Variants in CPNE7 observed in about 807,000 individuals in gnomAD.
CPNE7 encodes the protein copine 7.
CPNE7 carries 78 observed loss-of-function variants against 66.5 expected under a neutral mutation model. The observed-to-expected ratio is 1.17, with a 90% CI of 0.98 to 1.42. The LOEUF (loss-of-function observed/expected upper bound fraction) is 1.42. CPNE7 is among the 40% of genes most tolerant of loss of function. The pLI is 0.00. For synonymous variants in CPNE7, 468 were observed against 336.7 expected (o/e 1.39, Z -4.27); for missense variants, 1,012 against 776.6 (o/e 1.30, Z -3.60).
chr16:89,576,026 C>T lies in CPNE7; in HGVS notation c.129C>T (p.Asp43=). 6 of 1,346,476 alleles carry T rather than the reference C, an allele frequency of 4.5e-6. No individual in the cohort carries two copies. Among genetic ancestry groups the T allele is most frequent in the African/African-American group, 1.5e-5 (1 of 65,782 alleles). The allele number at this position is 1,346,476 out of a possible 1,614,324, so 83.4% of individuals were successfully genotyped here. Residue 43 remains aspartate, a synonymous_variant, in exon 1 of 15, where the codon GAC becomes GAT. Coordinates refer to ENST00000319518, the MANE Select transcript of CPNE7 (RefSeq NM_153636.3). Reference sequence around the variant, plus strand: ...ACCGCGACCCGCTCACCAAGTCCGACCCCAGCGTGGCGTTGCTGCAGCAGG... The same window carrying T: ...ACCGCGACCCGCTCACCAAGTCCGATCCCAGCGTGGCGTTGCTGCAGCAGG... The part of the protein sequence containing the change: ...LLDRDPLTKS[D]PSVALLQQAQ...
At chr16:89,583,860 C>T (rs925064733) in intron 3 of CPNE7, 89 bp downstream of exon 3, 55 of 1,507,822 alleles carry the variant, frequency 3.6e-5, no homozygotes, top group East Asian at 4.7e-5. Flanking sequence ...AGCAGCGTGC[C>T]GTCCAGGGAG....
chr16:89,576,157 G>A, intron 1 of CPNE7, 86 bp downstream of exon 1: 2 of 1,147,770 alleles, frequency 1.7e-6, no homozygotes, highest in Non-Finnish European at 1.1e-6. Flanking sequence ...CGGGCGCGCT[G>A]AGGCCAGTGG....
intron 9 of CPNE7, chr16:89,587,609 G>T (rs1463878698): frequency 2.2e-6 from 1 of 452,978 alleles, no homozygotes; most frequent in East Asian, 7.0e-5. Context: ...ACCAGCCACA[G>T]TCTCTACGTG....
Position 89,585,532 on chromosome 16 carries a change from C to G in CPNE7, c.660C>G (p.Cys220Trp), listed in dbSNP as rs140611909. 9 of 1,611,214 alleles carry G rather than the reference C, an allele frequency of 5.6e-6. No individual in the cohort carries two copies. The East Asian group carries it at 2.0e-4, about 36-fold the overall frequency. Reference sequence around the variant, plus strand: ...TCTCTCTGAGTTCCCTCTGCAGCTGCGAGGAGACAAGGCCTCTAAAGGTGG... The same window carrying G: ...TCTCTCTGAGTTCCCTCTGCAGCTGGGAGGAGACAAGGCCTCTAAAGGTGG... ...FKVSLSSLCSCEETRPLKCLV... is the reference protein window; with the variant it reads ...FKVSLSSLCSWEETRPLKCLV... Residue 220 changes from cysteine (C) to tryptophan (W), a missense_variant, in exon 6 of 15, where the codon TGC becomes TGG. Physicochemically the swap from Cys to Trp is radical, Grantham distance 215 (BLOSUM62 -2). Transcript: ENST00000319518.
At position 89,584,036 on chromosome 16, in the gene CPNE7, C is replaced by G; in HGVS notation, c.441C>G (p.Ala147=). Residue 147 remains alanine (A), a synonymous_variant, in exon 4 of 15, where the codon GCC becomes GCG. Coordinates refer to ENST00000319518, the MANE Select transcript of CPNE7 (RefSeq NM_153636.3). The surrounding 1 kb of genome is among the most constrained non-coding windows in gnomAD (Gnocchi z 6.0). ...NAGKSTITVI[A]EDISGNNGYV... The stretch of plus-strand genomic sequence containing the variant: ...GGGCGTCCCCCTGCCAGGTGATCGC[C>G]GAGGACATCTCGGGGAACAACGGCT... 1 of 1,612,196 alleles carries G rather than the reference C, an allele frequency of 6.2e-7. No homozygotes were observed. Among genetic ancestry groups the G allele is most frequent in the African/African-American group, 1.3e-5 (1 of 75,016 alleles).
rs2059159540 is a variant in CPNE7, at chr16:89,591,038, C to G, written c.1148C>G (p.Pro383Arg). ...VSHDFAINFN[P>R]EDDECEGIQG... ...CATGACTTTGCCATCAATTTCAACCCTGAGGACGATGAGTGTGAAGGTAGG... is the reference window on the plus strand; with the variant it reads ...CATGACTTTGCCATCAATTTCAACCGTGAGGACGATGAGTGTGAAGGTAGG... The change falls in exon 12 of 15, where the codon CCT becomes CGT. Residue 383 changes from proline to arginine, a missense_variant. Coordinates refer to ENST00000319518, the MANE Select transcript of CPNE7 (RefSeq NM_153636.3). 7 of 1,613,672 alleles carry G rather than the reference C, an allele frequency of 4.3e-6. No individual in the cohort carries two copies. In the East Asian group the frequency reaches 1.6e-4, roughly 36 times the overall value.
At chr16:89,595,937 C>G (rs1346689607) in intron 14 of CPNE7, 2 of 532,078 alleles carry the variant, frequency 3.8e-6, no homozygotes, top group Non-Finnish European at 7.2e-6. Flanking sequence ...GAGGTTCTAC[C>G]CGCCGAGACA....
intron 13 of CPNE7, among the ~76,000 whole-genome samples, chr16:89,591,846 GCC>G (rs2059175416): frequency 6.6e-6 from 1 of 151,094 alleles, no homozygotes; most frequent in Admixed American, 6.6e-5. Flanking sequence ...GACTACAGGC[GCC>G]CGCCACCACT....
intron 13 of CPNE7, among the ~76,000 whole-genome samples, chr16:89,595,047 C>T (rs1348259587): frequency 6.6e-6 from 1 of 152,074 alleles, no homozygotes; most frequent in African/African-American, 2.4e-5. Context: ...CAGATTTCTC[C>T]TCTGGCCTCA....
At chr16:89,583,444 G>A (rs1192618000) in intron 2 of CPNE7, 1 of 1,550,390 alleles carries the variant, frequency 6.4e-7, no homozygotes, top group Non-Finnish European at 8.7e-7. Flanking sequence ...TGGTAAATAG[G>A]TATGATGACC....
chr16:89,579,608 C>G (rs925882226), intron 2 of CPNE7, among the ~76,000 whole-genome samples: 1 of 151,494 alleles, frequency 6.6e-6, no homozygotes, highest in Non-Finnish European at 1.5e-5. Flanking sequence ...TCCCTTCACC[C>G]ATCACACGGA....
At chr16:89,592,591 C>T (rs1289619301) in intron 13 of CPNE7, among the ~76,000 whole-genome samples, 2 of 150,458 alleles carry the variant, frequency 1.3e-5, no homozygotes. Context: ...TACAGGCTCC[C>T]GCCACCACGC....
chr16:89,593,575 A>C (rs1468323836), intron 13 of CPNE7, among the ~76,000 whole-genome samples: 4 of 151,684 alleles, frequency 2.6e-5, no homozygotes, highest in Admixed American at 2.6e-4. Flanking sequence ...GATGGTCTCG[A>C]TCTCCTGACC....
rs1490194871 is a variant in CPNE7 at position 89,593,360 on chromosome 16, T to A, written c.1303-2007T>A. 5.4e-5 allele frequency among the ~76,000 whole-genome samples: 8 copies of A among 147,770 alleles called. No individual in the cohort carries two copies. In the South Asian group the frequency reaches 6.3e-4, roughly 12 times the overall value. On this transcript the variant is annotated intron_variant, in intron 13 of 14. Transcript: ENST00000319518. ...ACATCACGGTTTTACCTCTTAATAT[T>A]TTTTTTTTTTTGAGATGGAGTCTCG... is the stretch of plus-strand genomic sequence containing the variant.
chr16:89,591,046 G>A lies in CPNE7; in HGVS notation c.1156G>A (p.Asp386Asn), dbSNP rs772694042. The change falls in exon 12 of 15, where the codon GAT becomes AAT. Residue 386 changes from aspartate to asparagine, a missense_variant. Asp to Asn is a conservative substitution (Grantham distance 23, BLOSUM62 1). Transcript: ENST00000319518. ...DFAINFNPEDDECEGIQGVVE... is the reference protein window; with the variant it reads ...DFAINFNPEDNECEGIQGVVE... ...TGCCATCAATTTCAACCCTGAGGAC[G>A]ATGAGTGTGAAGGTAGGAGCTCGAG... 7 of 1,613,566 alleles carry A rather than the reference G, an allele frequency of 4.3e-6. No individual in the cohort carries two copies. Among genetic ancestry groups the A allele is most frequent in the African/African-American group, 1.3e-5 (1 of 74,848 alleles).
chr16:89,588,449 G>C (rs918141296), intron 9 of CPNE7, among the ~76,000 whole-genome samples: 1 of 152,142 alleles, frequency 6.6e-6, no homozygotes, highest in African/African-American at 2.4e-5. Flanking sequence ...CTGGTGGGGT[G>C]TCCTCCCGGA....
chr16:89,587,554 A>G (rs1345057921), intron 9 of CPNE7: 1 of 450,518 alleles, frequency 2.2e-6, no homozygotes, highest in East Asian at 7.0e-5. Flanking sequence ...ATTTAACAAC[A>G]GACAAAACGT....
At chr16:89,593,478 A>G (rs1289968027) in intron 13 of CPNE7, among the ~76,000 whole-genome samples, 2 of 151,014 alleles carry the variant, frequency 1.3e-5, no homozygotes, top group South Asian at 2.1e-4. Flanking sequence ...TCAGCCTCCC[A>G]AATAGCTGGG....
chr16:89,578,895 G>C (rs1357187544), intron 2 of CPNE7: 1 of 1,613,590 alleles, frequency 6.2e-7, no homozygotes, highest in Non-Finnish European at 8.5e-7. Flanking sequence ...TGATGAGAGT[G>C]TCTGTTGATG....
Sources: allele counts gnomAD v4.1 joint callset (sites outside exome capture counted in the v4.1 genomes callset), GRCh38; gene constraint gnomAD v4.1.1; non-coding constraint Gnocchi (gnomAD v3.1); transcripts MANE v1.5; gene names NCBI Gene and HGNC (gene_info 2026-07-23, HGNC 2026-07-21).